Variants in BEND4 observed in about 807,000 individuals in gnomAD.
BEND4 encodes the protein BEN domain-containing protein 4.
Under a neutral mutation model 54.7 loss-of-function variants are expected in BEND4, and 27 were observed. That is an observed-to-expected ratio of 0.49 (90% CI 0.36 to 0.68). The LOEUF is 0.68. Ranked by LOEUF, BEND4 falls within the 30% of genes least tolerant of loss-of-function variation. The probability of loss-of-function intolerance (pLI) is 0.00; values close to 1 mark genes in which losing one functional copy is unlikely to be tolerated. For missense variants in BEND4, 702 were observed against 697.2 expected, an observed-to-expected ratio of 1.01 and a Z score of -0.08; for synonymous variants, 327 against 299.5, an observed-to-expected ratio of 1.09 and a Z score of -0.95.
intron 4 of BEND4, among the ~76,000 whole-genome samples, chr4:42,123,390 T>C (rs1720137292): frequency 6.6e-6 from 1 of 152,200 alleles, no homozygotes; most frequent in Admixed American, 6.5e-5. Context: ...CATTGACCTA[T>C]TGTTGAGTCA....
At chr4:42,118,788 C>T (rs962528776) in intron 5 of BEND4, among the ~76,000 whole-genome samples, 4 of 152,208 alleles carry the variant, frequency 2.6e-5, no homozygotes, top group Admixed American at 6.5e-5. Context: ...AGAGTAACTC[C>T]ATCATCTCTG....
Position 42,152,366 on chromosome 4 carries a change from C to T in BEND4, c.-223G>A, listed in dbSNP as rs915603805. ...CCCGAGCTCCTGATTGACAGGCTGC[C>T]TCGCCAATGCCTGGAGGGAGAAAGG... On this transcript the variant is annotated 5_prime_UTR_variant, in exon 2 of 6. Transcript: ENST00000502486. The T allele has an allele frequency of 3.1e-6, 1 of 322,412 alleles. No homozygotes were observed. The highest frequency in any genetic ancestry group is 5.6e-6 in the Non-Finnish European group (1 of 177,660). 20.0% of individuals were successfully genotyped at this position (322,412 alleles called of 1,614,324 possible).
At chr4:42,122,606 A>G (rs1000978183) in intron 4 of BEND4, among the ~76,000 whole-genome samples, 2 of 152,204 alleles carry the variant, frequency 1.3e-5, no homozygotes, top group African/African-American at 4.8e-5. Context: ...ATAGATGAGG[A>G]GCCACTAAAA....
rs1207149857 is a variant in BEND4 at position 42,111,126 on chromosome 4, A to G, written c.*6392T>C. Reference sequence around the variant, plus strand: ...AACTTTTATAACATTTTAAGTTTCTAAAAGAAATGAGCCTAACACTTAAAA... The same window carrying G: ...AACTTTTATAACATTTTAAGTTTCTGAAAGAAATGAGCCTAACACTTAAAA... On this transcript the variant is annotated 3_prime_UTR_variant, in exon 6 of 6. Transcript: ENST00000502486. 2 of 152,252 alleles carry G rather than the reference A, an allele frequency of 1.3e-5. No individual in the cohort carries two copies. Among genetic ancestry groups the G allele is most frequent in the African/African-American group, 4.8e-5 (2 of 41,468 alleles). The allele number at this position is 152,252 out of a possible 1,614,324, so 9.4% of individuals were successfully genotyped here.
intron 2 of BEND4, 110 bp downstream of exon 2, chr4:42,151,547 G>C (rs531512101): frequency 1.7e-6 from 2 of 1,173,604 alleles, no homozygotes; most frequent in East Asian, 3.2e-5. Flanking sequence ...CCGACATCCC[G>C]ACACGGCCCA....
intron 3 of BEND4, among the ~76,000 whole-genome samples, chr4:42,136,805 T>A (rs546050269): frequency 2.0e-5 from 3 of 152,354 alleles, no homozygotes; most frequent in Admixed American, 1.3e-4. Context: ...GCATGTTAGA[T>A]ACGCCTCATT....
At chr4:42,147,645 C>T (rs1328794016) in intron 2 of BEND4, among the ~76,000 whole-genome samples, 2 of 152,034 alleles carry the variant, frequency 1.3e-5, no homozygotes, top group African/African-American at 4.8e-5. Flanking sequence ...CTCTAAAATG[C>T]CCACTTCTCT....
chr4:42,123,698 A>AAAAAAAACAAAAC (rs1553921973), intron 4 of BEND4, among the ~76,000 whole-genome samples: 96 of 147,014 alleles, frequency 6.5e-4, no homozygotes, highest in Admixed American at 1.5e-3. Flanking sequence ...AATTCAGAAA[A>AAAAAAAACAAAAC]AAAAAAAAAA....
chr4:42,152,080 T>C lies in BEND4; in HGVS notation c.64A>G (p.Ser22Gly). Residue 22 changes from serine to glycine, a missense_variant, in exon 2 of 6, where the codon AGC (serine) becomes GGC (glycine). Ser to Gly is a moderately conservative substitution (Grantham distance 56). Transcript: ENST00000502486. ...AACGTCTTGAGGACGCTGTAGGGGC[T>C]GCGCTGCTTGTAGATTTTGGGGACG... is the stretch of plus-strand genomic sequence containing the variant. The part of the protein sequence containing the change: ...PSVPKIYKQR[S>G]PYSVLKTFPS... The C allele has an allele frequency of 8.0e-7, 1 of 1,251,324 alleles. No homozygotes were observed. The highest frequency in any genetic ancestry group is 1.0e-6 in the Non-Finnish European group (1 of 989,804). 77.5% of individuals were successfully genotyped at this position (1,251,324 alleles called of 1,614,324 possible).
rs1720973264 is a variant in BEND4, at chr4:42,143,710, G to C, written c.772C>G (p.Leu258Val). 6.2e-7 allele frequency: 1 copy of C among 1,614,056 alleles called. No homozygotes were observed. Among genetic ancestry groups the C allele is most frequent in the East Asian group, 2.2e-5 (1 of 44,886 alleles). The change falls in exon 3 of 6, where the codon CTC (leucine) becomes GTC (valine). Residue 258 changes from leucine to valine, a missense_variant. Physicochemically the swap from Leu to Val is conservative, Grantham distance 32. Coordinates refer to ENST00000502486, the MANE Select transcript of BEND4 (RefSeq NM_207406.4). ...VFTDSLQNYL[L>V]SGSFPTPNPS... Reference sequence around the variant, plus strand: ...TTTGGAGTTGGAAAGCTTCCCGAGAGCAGGTAATTTTGTAGAGAGTCAGTG... The same window carrying C: ...TTTGGAGTTGGAAAGCTTCCCGAGACCAGGTAATTTTGTAGAGAGTCAGTG...
rs960299713 is a variant in BEND4 at position 42,117,446 on chromosome 4, G to A, written c.*72C>T. Reference sequence around the variant, plus strand: ...AGAATGACAGGCTTTGGACTCTCAGGTGACAGGAACAGGACATTCACAATT... The same window carrying A: ...AGAATGACAGGCTTTGGACTCTCAGATGACAGGAACAGGACATTCACAATT... On this transcript the variant is annotated 3_prime_UTR_variant, in exon 6 of 6. Transcript: ENST00000502486. 4.7e-6 allele frequency: 5 copies of A among 1,071,130 alleles called. No individual in the cohort carries two copies. In the Admixed American group the frequency reaches 8.7e-5, roughly 19 times the overall value. The allele number at this position is 1,071,130 out of a possible 1,614,324, so 66.4% of individuals were successfully genotyped here. A position where few individuals can be genotyped will look rare whatever the true frequency, so the allele number is the denominator to read the frequency against.
chr4:42,124,906 G>A (rs1479858236), intron 4 of BEND4, among the ~76,000 whole-genome samples: 3 of 152,102 alleles, frequency 2.0e-5, no homozygotes, highest in Non-Finnish European at 4.4e-5. Context: ...GTAGAAAGGA[G>A]AGCAATGACA....
chr4:42,141,660 G>C (rs552187036), intron 3 of BEND4, among the ~76,000 whole-genome samples: 37 of 152,280 alleles, frequency 2.4e-4, no homozygotes, highest in Non-Finnish European at 4.9e-4. Context: ...AGAATCGCTT[G>C]AACTCAGGCA....
chr4:42,145,520 C>T (rs1169140714), intron 2 of BEND4, among the ~76,000 whole-genome samples: 2 of 151,826 alleles, frequency 1.3e-5, no homozygotes, highest in African/African-American at 4.8e-5. Context: ...GGTGAAACCC[C>T]GTCTCTACTA....
At chr4:42,149,667 A>G (rs1449838151) in intron 2 of BEND4, among the ~76,000 whole-genome samples, 1 of 152,194 alleles carries the variant, frequency 6.6e-6, no homozygotes, top group Non-Finnish European at 1.5e-5. Context: ...AAAATAAACT[A>G]AACAGGACAT....
intron 2 of BEND4, among the ~76,000 whole-genome samples, chr4:42,145,171 G>GT (rs1721034169): frequency 6.6e-6 from 1 of 152,084 alleles, no homozygotes; most frequent in Non-Finnish European, 1.5e-5. Context: ...AATAAAAAAT[G>GT]GTGAGATGTT....
In BEND4 at chr4:42,112,594, C is replaced by T. The variant is rs1017908180; in HGVS notation, c.*4924G>A. On this transcript the variant is annotated 3_prime_UTR_variant, in exon 6 of 6. Transcript: ENST00000502486. ...TTGTGAGGAAAATTAATCCGGTCCC[C>T]ATTACTGCAAATACTTGGTAATTTA... 6.6e-6 allele frequency: 1 copy of T among 152,114 alleles called. No homozygotes were observed. Among genetic ancestry groups the T allele is most frequent in the African/African-American group, 2.4e-5 (1 of 41,414 alleles). The allele number at this position is 152,114 out of a possible 1,614,324, so 9.4% of individuals were successfully genotyped here. A position where few individuals can be genotyped will look rare whatever the true frequency, so the allele number is the denominator to read the frequency against.
rs371099306 is a variant in BEND4 at position 42,117,686 on chromosome 4, C to A, written c.1437G>T (p.Ser479=). The change falls in exon 6 of 6, where the codon TCG becomes TCT. Residue 479 remains serine, a synonymous_variant. Transcript: ENST00000502486. ...CTSNPDWWMP[S]EEQINKVFSD... ...TGAACACTTTGTTTATCTGCTCTTC[C>A]GAGGGCATCCACCAATCGGGGTTGG... The A allele has an allele frequency of 6.2e-7, 1 of 1,609,940 alleles. No homozygotes were observed. The highest frequency in any genetic ancestry group is 8.5e-7 in the Non-Finnish European group (1 of 1,178,104).
At chr4:42,132,731 C>T (rs942993864) in intron 3 of BEND4, among the ~76,000 whole-genome samples, 63 of 152,258 alleles carry the variant, frequency 4.1e-4, no homozygotes, top group African/African-American at 1.5e-3. Flanking sequence ...AGGTGTGAGC[C>T]ACCGCACCCA....
Sources: allele counts gnomAD v4.1 joint callset (sites outside exome capture counted in the v4.1 genomes callset), GRCh38; gene constraint gnomAD v4.1.1; transcripts MANE v1.5; gene names NCBI Gene and HGNC (gene_info 2026-07-23, HGNC 2026-07-21).